DPYSL2: variants seen among roughly 807,000 people sequenced by gnomAD.
DPYSL2 encodes the protein dihydropyrimidinase-related protein 2.
In DPYSL2, 13 loss-of-function variants were observed where a neutral mutation model predicts 69.9. The ratio of observed to expected loss-of-function variants is 0.19; its 90% confidence interval spans 0.12 to 0.30. DPYSL2 has a LOEUF of 0.30. DPYSL2 is among the 10% of genes least tolerant of loss of function. The probability of loss-of-function intolerance (pLI) is 1.00; values close to 1 mark genes in which losing one functional copy is unlikely to be tolerated. For missense variants in DPYSL2, 587 were observed against 918.9 expected (o/e 0.64, Z 4.67); for synonymous variants, 326 against 359.1 (o/e 0.91, Z 1.04).
intron 1 of DPYSL2, among the ~76,000 whole-genome samples, chr8:26,526,117 T>C (rs1034466237): frequency 6.6e-6 from 1 of 152,182 alleles, no homozygotes; most frequent in East Asian, 1.9e-4. Context: ...TTTTTCGAGA[T>C]GAAGTCTTGC....
rs1802435857 is a variant in DPYSL2 at position 26,619,620 on chromosome 8, CAGT to C, written c.629-4520_629-4518del. On this transcript the variant is annotated intron_variant, in intron 3 of 13. Transcript: ENST00000521913. The surrounding 1 kb of genome is among the most constrained non-coding windows in gnomAD (Gnocchi z 4.8). ...TGCTCAAGGTAGTTCAAGGCAGACT[CAGT>C]AGCTCCCGGGTTGCTTAGTAGAAAT... is the stretch of plus-strand genomic sequence containing the variant. 2 of 152,238 alleles carry C rather than the reference CAGT, an allele frequency of 1.3e-5. No individual in the cohort carries two copies. The highest frequency in any genetic ancestry group is 1.3e-4 in the Admixed American group (2 of 15,286). The allele number at this position is 152,238 out of a possible 1,614,324, so 9.4% of individuals were successfully genotyped here. A position where few individuals can be genotyped will look rare whatever the true frequency, so the allele number is the denominator to read the frequency against.
chr8:26,577,762 G>A lies in DPYSL2; in HGVS notation c.355-4207G>A, dbSNP rs556877141. On this transcript the variant is annotated intron_variant, in intron 1 of 13. Coordinates refer to ENST00000521913, the MANE Select transcript of DPYSL2 (RefSeq NM_001197293.3). ...GGCGCTCGCGCCGCCTGCCGCCCCCGGCCGTTCACTGCCGCATTTCGCGCT... is the reference window on the plus strand; with the variant it reads ...GGCGCTCGCGCCGCCTGCCGCCCCCAGCCGTTCACTGCCGCATTTCGCGCT... The A allele has an allele frequency of 1.2e-4, 115 of 977,340 alleles. No homozygotes were observed. The African/African-American group carries it at 1.8e-3, about 15-fold the overall frequency. 60.5% of individuals were successfully genotyped at this position (977,340 alleles called of 1,614,324 possible). A position where few individuals can be genotyped will look rare whatever the true frequency, so the allele number is the denominator to read the frequency against.
At chr8:26,535,458 G>A (rs1800575473) in intron 1 of DPYSL2, among the ~76,000 whole-genome samples, 1 of 152,076 alleles carries the variant, frequency 6.6e-6, no homozygotes, top group Admixed American at 6.5e-5. Context: ...AACCCAACTA[G>A]AGATTTTCCA....
intron 3 of DPYSL2, among the ~76,000 whole-genome samples, chr8:26,592,567 C>T (rs1410936271): frequency 6.6e-6 from 1 of 151,886 alleles, no homozygotes; most frequent in African/African-American, 2.4e-5. Flanking sequence ...CCTCCACCTC[C>T]CAGGTACAAG....
Position 26,655,677 on chromosome 8 carries a change from G to T in DPYSL2, c.2005G>T (p.Gly669Cys). 1 of 1,608,726 alleles carries T rather than the reference G, an allele frequency of 6.2e-7. No homozygotes were observed. ...TTQRIVAPPG[G>C]RANITSLG Reference sequence around the variant, plus strand: ...CCAGCGTATCGTGGCGCCCCCCGGTGGCCGTGCCAACATCACCAGCCTGGG... The same window carrying T: ...CCAGCGTATCGTGGCGCCCCCCGGTTGCCGTGCCAACATCACCAGCCTGGG... Residue 669 changes from glycine to cysteine, a missense_variant, in exon 14 of 14, where the codon GGC becomes TGC. Around this residue, in one of 3 missense-constraint regions of DPYSL2, gnomAD observed 452 missense variants for 754.3 expected, o/e 0.60. Transcript: ENST00000521913.
intron 1 of DPYSL2, among the ~76,000 whole-genome samples, chr8:26,539,037 T>C (rs1464621890): frequency 2.0e-5 from 3 of 152,210 alleles, no homozygotes; most frequent in South Asian, 2.1e-4. Context: ...TTCCCATCTT[T>C]ATGTCCACTT....
At chr8:26,638,552 G>A (rs1802968001) in intron 8 of DPYSL2, among the ~76,000 whole-genome samples, 1 of 152,156 alleles carries the variant, frequency 6.6e-6, no homozygotes, top group Admixed American at 6.5e-5. Flanking sequence ...TGAGAGACAC[G>A]CTGAGAGACA....
chr8:26,572,341 T>C (rs1585516039), intron 1 of DPYSL2, among the ~76,000 whole-genome samples: 4 of 152,346 alleles, frequency 2.6e-5, no homozygotes, highest in Admixed American at 2.6e-4. Flanking sequence ...ACTGGAGTTA[T>C]GTCTGCATCT....
At chr8:26,638,092 T>G (rs934493398) in intron 8 of DPYSL2, 4 of 152,220 alleles carry the variant, frequency 2.6e-5, no homozygotes, top group African/African-American at 9.7e-5. Context: ...CCTCTGTGAA[T>G]GGAGAGATTC....
rs1420007158 is a variant in DPYSL2, at chr8:26,559,131, T to TG, written c.355-22834dup. ...CTAATTTTTTGTATTTTAGTAGAGT[T>TG]GGGGTTTCACCGTGTTGCCCAGGCT... On this transcript the variant is annotated intron_variant, in intron 1 of 13. Coordinates refer to ENST00000521913, the MANE Select transcript of DPYSL2 (RefSeq NM_001197293.3). Among the ~76,000 whole-genome samples, 3 of 152,046 alleles carry TG rather than the reference T, an allele frequency of 2.0e-5. No individual in the cohort carries two copies. The East Asian group carries it at 5.8e-4, about 29-fold the overall frequency.
chr8:26,538,046 T>C (rs1340996696), intron 1 of DPYSL2, among the ~76,000 whole-genome samples: 4 of 152,214 alleles, frequency 2.6e-5, no homozygotes, highest in African/African-American at 9.6e-5. Flanking sequence ...TGACTATATC[T>C]GAAGCAATGC....
At position 26,626,889 on chromosome 8, in the gene DPYSL2, A is replaced by C. The variant is rs1239462502; in HGVS notation, c.855+211A>C. On this transcript the variant is annotated intron_variant, in intron 5 of 13. Transcript: ENST00000521913. This position sits in a 1 kb window ranked among gnomAD's most constrained non-coding sequence, Gnocchi z 4.3. ...CTGCCACTCCGCCGCCCTGGATCTGAGGCTCTGCCCCGCACGGCGTGTGTG... is the reference window on the plus strand; with the variant it reads ...CTGCCACTCCGCCGCCCTGGATCTGCGGCTCTGCCCCGCACGGCGTGTGTG... Among the ~76,000 whole-genome samples the C allele has an allele frequency of 6.6e-6, 1 of 152,152 alleles. No individual in the cohort carries two copies. The highest frequency in any genetic ancestry group is 6.5e-5 in the Admixed American group (1 of 15,276).
intron 3 of DPYSL2, among the ~76,000 whole-genome samples, chr8:26,592,109 C>T (rs1274152472): frequency 6.6e-6 from 1 of 152,146 alleles, no homozygotes; most frequent in Non-Finnish European, 1.5e-5. Context: ...TATGACAGCC[C>T]ATAATAGGTG....
Position 26,562,826 on chromosome 8 carries a change from T to C in DPYSL2, c.355-19143T>C, listed in dbSNP as rs1235165074. Among the ~76,000 whole-genome samples the C allele has an allele frequency of 6.6e-6, 1 of 152,196 alleles. No individual in the cohort carries two copies. The highest frequency in any genetic ancestry group is 1.5e-5 in the Non-Finnish European group (1 of 68,048). On this transcript the variant is annotated intron_variant, in intron 1 of 13. Coordinates refer to ENST00000521913, the MANE Select transcript of DPYSL2 (RefSeq NM_001197293.3). The surrounding 1 kb of genome is among the most constrained non-coding windows in gnomAD (Gnocchi z 4.9). ...AGGGCCGTATCTGGGAAAACTTGAA[T>C]GGCTTTGGGTGACTTGAACAACCGG... is the stretch of plus-strand genomic sequence containing the variant.
rs141438694 is a variant in DPYSL2 at position 26,617,551 on chromosome 8, G to A, written c.629-6592G>A. Among the ~76,000 whole-genome samples the A allele has an allele frequency of 1.4e-3, 208 of 152,258 alleles. 1 individual carries two copies. Among genetic ancestry groups the A allele is most frequent in the African/African-American group, 4.8e-3 (201 of 41,550 alleles). ...TTAAAAGTAGGGTCATTTAAATATG[G>A]CAAACTCCAAACGGGTCTTCTCTTT... On this transcript the variant is annotated intron_variant, in intron 3 of 13. Transcript: ENST00000521913. This position sits in a 1 kb window ranked among gnomAD's most constrained non-coding sequence, Gnocchi z 4.7.
At chr8:26,577,717 A>G (rs1221865210) in intron 1 of DPYSL2, 2 of 794,322 alleles carry the variant, frequency 2.5e-6, no homozygotes, top group Non-Finnish European at 3.0e-6. Context: ...AAAGCGCGCG[A>G]AAGGCGCGCT....
intron 1 of DPYSL2, among the ~76,000 whole-genome samples, chr8:26,574,900 G>A (rs1356311101): frequency 6.6e-6 from 1 of 152,074 alleles, no homozygotes; most frequent in Non-Finnish European, 1.5e-5. Context: ...TGGGACCACA[G>A]GTGCCCACCA....
At position 26,539,562 on chromosome 8, in the gene DPYSL2, C is replaced by CA. The variant is rs546851963; in HGVS notation, c.354+24884dup. On this transcript the variant is annotated intron_variant, in intron 1 of 13. Coordinates refer to ENST00000521913, the MANE Select transcript of DPYSL2 (RefSeq NM_001197293.3). ...AAAGTGTTATTTATTTATTTATAGACAGAGTCTCACTCTGTTGCCTAGGCT... is the reference window on the plus strand; with the variant it reads ...AAAGTGTTATTTATTTATTTATAGACAAGAGTCTCACTCTGTTGCCTAGGCT... Among the ~76,000 whole-genome samples, 163 of 152,266 alleles carry CA rather than the reference C, an allele frequency of 1.1e-3. 1 individual carries two copies. The highest frequency in any genetic ancestry group is 3.7e-3 in the African/African-American group (152 of 41,560).
At chr8:26,553,818 TA>T (rs1800904159) in intron 1 of DPYSL2, among the ~76,000 whole-genome samples, 1 of 151,944 alleles carries the variant, frequency 6.6e-6, no homozygotes, top group African/African-American at 2.4e-5. Flanking sequence ...CCACAGTAAT[TA>T]AACTAATTTA....
Sources: allele counts gnomAD v4.1 joint callset (sites outside exome capture counted in the v4.1 genomes callset), GRCh38; gene constraint gnomAD v4.1.1; regional missense constraint gnomAD v4.1.1; non-coding constraint Gnocchi (gnomAD v3.1); transcripts MANE v1.5; gene names NCBI Gene and HGNC (gene_info 2026-07-23, HGNC 2026-07-21).